The following GALNT1 variants were observed in gnomAD, a reference collection of about 807,000 sequenced individuals.
GALNT1 encodes polypeptide N-acetylgalactosaminyltransferase 1.
Under a neutral mutation model 65.7 loss-of-function variants are expected in GALNT1, and 17 were observed. That is an observed-to-expected ratio of 0.26 (90% CI 0.18 to 0.39). GALNT1 has a LOEUF of 0.39. GALNT1 is among the 10% of genes least tolerant of loss of function. The probability of loss-of-function intolerance (pLI) is 1.00; values close to 1 mark genes in which losing one functional copy is unlikely to be tolerated. For missense variants in GALNT1, 460 were observed against 672.8 expected, an observed-to-expected ratio of 0.68 and a Z score of 3.50; for synonymous variants, 210 against 219.7, an observed-to-expected ratio of 0.96 and a Z score of 0.39.
chr18:35,621,283 ATCCCCCCACC>A (rs1472840261), intron 1 of GALNT1, among the ~76,000 whole-genome samples: 1 of 124,734 alleles, frequency 8.0e-6, no homozygotes, highest in Non-Finnish European at 1.7e-5. Flanking sequence ...GGCCCAAGTG[ATCCCCCCACC>A]TCAGCCTCCC....
chr18:35,631,853 G>A (rs2047015710), intron 1 of GALNT1, among the ~76,000 whole-genome samples: 1 of 152,196 alleles, frequency 6.6e-6, no homozygotes, highest in African/African-American at 2.4e-5. Flanking sequence ...GGCAACTTCA[G>A]CAAAGTCTCA....
chr18:35,654,332 G>C (rs998555816), intron 1 of GALNT1, among the ~76,000 whole-genome samples: 11 of 151,834 alleles, frequency 7.2e-5, no homozygotes, highest in Admixed American at 2.0e-4. Context: ...TTGGATTGTT[G>C]TATATTGATT....
intron 3 of GALNT1, among the ~76,000 whole-genome samples, chr18:35,665,968 A>G (rs1366701087): frequency 6.6e-6 from 1 of 152,168 alleles, no homozygotes; most frequent in Non-Finnish European, 1.5e-5. Flanking sequence ...CCAGAAGGTG[A>G]TGAAGGGAGA....
intron 1 of GALNT1, among the ~76,000 whole-genome samples, chr18:35,647,917 C>G (rs55953335): frequency 0.095 from 14,466 of 151,794 alleles, 834 homozygotes; most frequent in African/African-American, 0.17. Context: ...CGTGGTGGTG[C>G]GTGCCTGTAA....
intron 1 of GALNT1, among the ~76,000 whole-genome samples, chr18:35,606,852 T>A (rs2046656047): frequency 7.6e-6 from 1 of 131,262 alleles, no homozygotes. Flanking sequence ...TGTGTGTGTG[T>A]GTGTGTGTGT....
intron 4 of GALNT1, among the ~76,000 whole-genome samples, chr18:35,682,879 A>G (rs2047806238): frequency 6.7e-6 from 1 of 148,270 alleles, no homozygotes; most frequent in Non-Finnish European, 1.5e-5. Flanking sequence ...TTTCTTTTCC[A>G]AGTGTGACCC....
At chr18:35,597,590 A>T (rs949586693) in intron 1 of GALNT1, 1 of 152,460 alleles carries the variant, frequency 6.6e-6, no homozygotes, top group Non-Finnish European at 1.5e-5. Flanking sequence ...CAGTCTTGTG[A>T]TATAGGCAGC....
At chr18:35,630,750 T>C (rs2046994999) in intron 1 of GALNT1, among the ~76,000 whole-genome samples, 1 of 152,040 alleles carries the variant, frequency 6.6e-6, no homozygotes. Context: ...CTTCAAAAAA[T>C]CAATGAATCC....
intron 1 of GALNT1, among the ~76,000 whole-genome samples, chr18:35,640,195 C>A (rs556757702): frequency 9.7e-4 from 148 of 152,262 alleles, no homozygotes; most frequent in Middle Eastern, 3.4e-3. Context: ...TTATTAAAAC[C>A]TACCCTTTAA....
intron 1 of GALNT1, among the ~76,000 whole-genome samples, chr18:35,605,854 T>G: frequency 6.6e-6 from 1 of 152,196 alleles, no homozygotes; most frequent in East Asian, 1.9e-4. Context: ...CTTCAGTGTT[T>G]CAGTTGCCTG....
At chr18:35,649,570 A>G (rs1225826634) in intron 1 of GALNT1, among the ~76,000 whole-genome samples, 3 of 152,086 alleles carry the variant, frequency 2.0e-5, no homozygotes, top group Non-Finnish European at 2.9e-5. Flanking sequence ...GTATAAACAG[A>G]TATTTTCTTA....
chr18:35,582,597 G>C (rs2046335854), intron 1 of GALNT1, among the ~76,000 whole-genome samples: 1 of 152,104 alleles, frequency 6.6e-6, no homozygotes, highest in South Asian at 2.1e-4. Context: ...GCATTTTTTT[G>C]GTCAAGTGGG....
chr18:35,586,874 T>C (rs1220920397), intron 1 of GALNT1, among the ~76,000 whole-genome samples: 3 of 152,202 alleles, frequency 2.0e-5, no homozygotes, highest in Non-Finnish European at 2.9e-5. Context: ...AAAAGGTCTT[T>C]CTGGGCTTTT....
intron 2 of GALNT1, among the ~76,000 whole-genome samples, chr18:35,655,995 C>A (rs572215203): frequency 8.9e-4 from 135 of 152,290 alleles, no homozygotes; most frequent in African/African-American, 3.0e-3. Context: ...TACTTTATAG[C>A]TCTGCTGTTG....
chr18:35,608,541 G>A (rs2046678663), intron 1 of GALNT1, among the ~76,000 whole-genome samples: 1 of 152,106 alleles, frequency 6.6e-6, no homozygotes, highest in Non-Finnish European at 1.5e-5. Context: ...CTGCTGTACT[G>A]ATTGTTTCAG....
At chr18:35,601,899 T>C (rs541512625) in intron 1 of GALNT1, among the ~76,000 whole-genome samples, 2 of 152,346 alleles carry the variant, frequency 1.3e-5, no homozygotes, top group African/African-American at 4.8e-5. Context: ...TCTAGTGATG[T>C]GAATGGATTA....
At chr18:35,708,574 T>G (rs914269031) in intron 11 of GALNT1, among the ~76,000 whole-genome samples, 19 of 152,246 alleles carry the variant, frequency 1.2e-4, no homozygotes, top group Non-Finnish European at 1.5e-4. Flanking sequence ...GTGTTAAACA[T>G]TTTACATTTC....
intron 1 of GALNT1, among the ~76,000 whole-genome samples, chr18:35,641,158 A>G (rs368189239): frequency 6.6e-6 from 1 of 152,242 alleles, no homozygotes; most frequent in African/African-American, 2.4e-5. Flanking sequence ...GAACATTGGG[A>G]AAAGGGCTTG....
intron 4 of GALNT1, among the ~76,000 whole-genome samples, chr18:35,683,131 T>C (rs1297268959): frequency 6.6e-6 from 1 of 152,120 alleles, no homozygotes; most frequent in South Asian, 2.1e-4. Context: ...TAGCGAAACA[T>C]AGGAGCATTC....
Sources: gnomAD v4.1 joint callset for allele counts (sites outside exome capture counted in the v4.1 genomes callset) on GRCh38, gnomAD v4.1.1 for gene constraint, MANE v1.5 for transcripts, NCBI Gene and HGNC (gene_info 2026-07-23, HGNC 2026-07-21) for gene names.